RASA2: variants seen among roughly 807,000 people sequenced by gnomAD.
RASA2 encodes ras GTPase-activating protein 2.
Under a neutral mutation model 118.2 loss-of-function variants are expected in RASA2, and 155 were observed. That is an observed-to-expected ratio of 1.31 (90% CI 1.15 to 1.50). The LOEUF (loss-of-function observed/expected upper bound fraction) is 1.50, where lower values mean the gene tolerates loss of function less well. Ranked by LOEUF, RASA2 falls within the 40% of genes most tolerant of loss-of-function variation. RASA2 has a pLI of 0.00. For missense variants in RASA2, 1,016 were observed against 1,009.6 expected (o/e 1.01, Z -0.09); for synonymous variants, 353 against 349.1 (o/e 1.01, Z -0.12).
rs370350820 is a variant in RASA2 at position 141,609,921 on chromosome 3, C to T, written c.2374C>T (p.Pro792Ser). 2.5e-6 allele frequency: 4 copies of T among 1,604,024 alleles called. No homozygotes were observed. Among genetic ancestry groups the T allele is most frequent in the Non-Finnish European group, 3.4e-6 (4 of 1,175,910 alleles). The change falls in exon 23 of 24, where the codon CCT (proline) becomes TCT (serine). Residue 792 changes from proline (P) to serine (S), a missense_variant. Pro to Ser is a moderately conservative substitution (Grantham distance 74). This residue lies in a region of RASA2 where 120 missense variants were observed against 173.2 expected (regional missense o/e 0.69). Transcript: ENST00000286364. ...IAVYQGPQKE[P>S]DDYSNFVIED... ...AGTCTATCAAGGACCACAGAAAGAGCCTGATGATTATTCTAACTTTGTAAT... is the reference window on the plus strand; with the variant it reads ...AGTCTATCAAGGACCACAGAAAGAGTCTGATGATTATTCTAACTTTGTAAT...
chr3:141,498,986 G>A (rs1220468981), intron 1 of RASA2, among the ~76,000 whole-genome samples: 1 of 152,144 alleles, frequency 6.6e-6, no homozygotes. Flanking sequence ...AGTGGGCAAG[G>A]CAAACCACAG....
chr3:141,549,544 A>G (rs746730236), intron 5 of RASA2, among the ~76,000 whole-genome samples: 10 of 151,734 alleles, frequency 6.6e-5, no homozygotes, highest in Non-Finnish European at 1.0e-4. Flanking sequence ...ACTCTCCAGT[A>G]GATTTTTCTG....
intron 5 of RASA2, among the ~76,000 whole-genome samples, chr3:141,541,036 C>T (rs1044774547): frequency 8.6e-5 from 13 of 152,006 alleles, no homozygotes; most frequent in Non-Finnish European, 1.5e-4. Flanking sequence ...CCTCTTCCAC[C>T]CTCAAGTCAT....
At chr3:141,556,594 G>T (rs16851483) in intron 7 of RASA2, among the ~76,000 whole-genome samples, 10,770 of 151,660 alleles carry the variant, frequency 0.071, 745 homozygotes, top group East Asian at 0.24. Flanking sequence ...TTTCTTTGGA[G>T]CATTTGTTAA....
chr3:141,608,264 A>G (rs970013150), intron 20 of RASA2, among the ~76,000 whole-genome samples: 4 of 151,936 alleles, frequency 2.6e-5, no homozygotes, highest in African/African-American at 9.7e-5. Context: ...ATTCCTTTGG[A>G]TATGTGTGGC....
chr3:141,581,062 A>G (rs778036682), intron 16 of RASA2, 38 bp from the exon 17 acceptor site: 10 of 1,470,236 alleles, frequency 6.8e-6, no homozygotes, highest in Non-Finnish European at 7.2e-6. Flanking sequence ...TTAATTCTCT[A>G]TTTAACACAT....
intron 15 of RASA2, 149 bp from the exon 16 acceptor site, chr3:141,580,219 C>T: frequency 6.0e-6 from 3 of 496,906 alleles, no homozygotes; most frequent in South Asian, 3.8e-5. Context: ...TGAGTTGTAC[C>T]CAGCCTTAGC....
chr3:141,489,577 A>G lies in RASA2; in HGVS notation c.133+2361A>G, dbSNP rs533879737. Among the ~76,000 whole-genome samples, 48 of 152,328 alleles carry G rather than the reference A, an allele frequency of 3.2e-4. No homozygotes were observed. In the South Asian group the frequency reaches 6.4e-3, roughly 20 times the overall value. On this transcript the variant is annotated intron_variant, in intron 1 of 23. Coordinates refer to ENST00000286364, the MANE Select transcript of RASA2 (RefSeq NM_006506.5). ...TAGGAGATGTGCTGGCAGATTTTAT[A>G]CTACTGATTGAGAGCCTCTTTTCTG...
intron 1 of RASA2, among the ~76,000 whole-genome samples, chr3:141,490,876 G>A (rs2081632495): frequency 6.6e-6 from 1 of 152,188 alleles, no homozygotes; most frequent in African/African-American, 2.4e-5. Flanking sequence ...TTGTTATGAG[G>A]TTTAAATAAG....
rs374622552 is a variant in RASA2 at position 141,489,113 on chromosome 3, G to T, written c.133+1897G>T. 2.5e-4 allele frequency among the ~76,000 whole-genome samples: 38 copies of T among 152,312 alleles called. 2 individuals carry two copies. Among genetic ancestry groups the T allele is most frequent in the African/African-American group, 8.9e-4 (37 of 41,558 alleles). ...CTTGGAAATTGATCATCCAGCTGCT[G>T]GGAATGATATTACTGCTTTAACCAC... On this transcript the variant is annotated intron_variant, in intron 1 of 23. Coordinates refer to ENST00000286364, the MANE Select transcript of RASA2 (RefSeq NM_006506.5).
intron 4 of RASA2, among the ~76,000 whole-genome samples, chr3:141,539,506 T>G (rs750765147): frequency 6.6e-6 from 1 of 152,158 alleles, no homozygotes; most frequent in Non-Finnish European, 1.5e-5. Flanking sequence ...AGGTTAGGTT[T>G]CTGTGAAAGA....
chr3:141,587,950 A>C (rs1004481356), intron 19 of RASA2, among the ~76,000 whole-genome samples: 13 of 152,212 alleles, frequency 8.5e-5, no homozygotes, highest in Non-Finnish European at 1.6e-4. Flanking sequence ...GTATTTGTTT[A>C]CCAGCATTTT....
chr3:141,565,246 A>G (rs2151124093), intron 9 of RASA2, among the ~76,000 whole-genome samples: 1 of 152,296 alleles, frequency 6.6e-6, no homozygotes, highest in East Asian at 1.9e-4. Flanking sequence ...TGGCCTCCCA[A>G]AGTGCTGGGA....
chr3:141,610,168 A>G, intron 23 of RASA2, 102 bp downstream of exon 23: 2 of 1,025,814 alleles, frequency 1.9e-6, no homozygotes, highest in Middle Eastern at 3.3e-4. Flanking sequence ...ATCTGTCAAC[A>G]TCCCGCTCAG....
At chr3:141,510,374 A>G (rs1047291292) in intron 1 of RASA2, among the ~76,000 whole-genome samples, 1 of 152,194 alleles carries the variant, frequency 6.6e-6, no homozygotes, top group African/African-American at 2.4e-5. Context: ...AAGGACTTCA[A>G]AACTTCAAAA....
At position 141,577,138 on chromosome 3, in the gene RASA2, C is replaced by T. The variant is rs771910534; in HGVS notation, c.1590+32C>T. 3 of 1,472,504 alleles carry T rather than the reference C, an allele frequency of 2.0e-6. No individual in the cohort carries two copies. In the South Asian group the frequency reaches 3.7e-5, roughly 18 times the overall value. The allele number at this position is 1,472,504 out of a possible 1,614,324, so 91.2% of individuals were successfully genotyped here. ...GTTCATTCTTCTGAAAGCTTTATTC[C>T]ATTTTTTTAATTTTTATTAAAATGA... On this transcript the variant is annotated intron_variant, in intron 15 of 23. Coordinates refer to ENST00000286364, the MANE Select transcript of RASA2 (RefSeq NM_006506.5).
chr3:141,564,927 C>T (rs763408003), intron 9 of RASA2, among the ~76,000 whole-genome samples: 8 of 152,180 alleles, frequency 5.3e-5, no homozygotes, highest in Admixed American at 4.6e-4. Context: ...TAATAATTGA[C>T]CTGCTTTTAA....
chr3:141,607,031 G>C (rs2083559599), intron 19 of RASA2, among the ~76,000 whole-genome samples: 1 of 152,112 alleles, frequency 6.6e-6, no homozygotes, highest in African/African-American at 2.4e-5. Context: ...TTATTATGGA[G>C]CTCCTTTAGC....
intron 19 of RASA2, 65 bp from the exon 20 acceptor site, chr3:141,607,613 A>G: frequency 6.8e-7 from 1 of 1,459,964 alleles, no homozygotes; most frequent in Admixed American, 2.6e-5. Flanking sequence ...TACAGAATTA[A>G]CCTCTCATCT....
Sources: allele counts gnomAD v4.1 joint callset (sites outside exome capture counted in the v4.1 genomes callset), GRCh38; gene constraint gnomAD v4.1.1; regional missense constraint gnomAD v4.1.1; transcripts MANE v1.5; gene names NCBI Gene and HGNC (gene_info 2026-07-23, HGNC 2026-07-21).